Variants in OSBPL10 observed in about 807,000 individuals in gnomAD.
The protein encoded by OSBPL10 is oxysterol binding protein like 10.
A neutral mutation model predicts 81.7 loss-of-function variants in OSBPL10; 49 were observed. The ratio of observed to expected loss-of-function variants is 0.60; its 90% CI spans 0.48 to 0.76. The LOEUF is 0.76. Ranked by LOEUF, OSBPL10 falls within the 30% of genes least tolerant of loss-of-function variation. The pLI is 0.00. For synonymous variants in OSBPL10, 419 were observed against 383.6 expected, an observed-to-expected ratio of 1.09 and a Z score of -1.08; for missense variants, 923 against 987.8, an observed-to-expected ratio of 0.93 and a Z score of 0.88.
intron 4 of OSBPL10, among the ~76,000 whole-genome samples, chr3:31,820,366 G>A (rs149443160): frequency 7.2e-5 from 11 of 152,260 alleles, no homozygotes; most frequent in African/African-American, 2.6e-4. Flanking sequence ...GGAGGCTGAG[G>A]CGGGTGGCTC....
chr3:31,747,211 G>C (rs943479962), intron 5 of OSBPL10, among the ~76,000 whole-genome samples: 1 of 151,918 alleles, frequency 6.6e-6, no homozygotes, highest in Non-Finnish European at 1.5e-5. Flanking sequence ...GGCGCTATTT[G>C]GGAGGCTGAG....
chr3:31,738,468 T>C (rs932973667), intron 5 of OSBPL10, among the ~76,000 whole-genome samples: 2 of 151,258 alleles, frequency 1.3e-5, no homozygotes, highest in East Asian at 1.9e-4. Flanking sequence ...AGAATGTAAA[T>C]AGAAACCGAC....
intron 7 of OSBPL10, among the ~76,000 whole-genome samples, chr3:31,695,961 A>C (rs531227964): frequency 6.6e-6 from 1 of 152,220 alleles, no homozygotes; most frequent in Non-Finnish European, 1.5e-5. Context: ...GTATGCATAC[A>C]TACAGAGCGG....
intron 1 of OSBPL10, among the ~76,000 whole-genome samples, chr3:32,076,398 G>C (rs535924683): frequency 6.6e-6 from 1 of 151,708 alleles, no homozygotes; most frequent in South Asian, 2.1e-4. Flanking sequence ...ACCACCCTTT[G>C]CTGACTCTCT....
At chr3:31,667,658 G>C (rs1575462553) in intron 10 of OSBPL10, among the ~76,000 whole-genome samples, 1 of 152,192 alleles carries the variant, frequency 6.6e-6, no homozygotes, top group East Asian at 1.9e-4. Flanking sequence ...TTTCTGTAAA[G>C]GGCCAGAAAG....
At chr3:31,741,168 G>T (rs900740324) in intron 5 of OSBPL10, among the ~76,000 whole-genome samples, 1 of 152,166 alleles carries the variant, frequency 6.6e-6, no homozygotes, top group Non-Finnish European at 1.5e-5. Flanking sequence ...TTCCAAAATA[G>T]AATAAGATTG....
At chr3:31,686,649 T>C (rs999346541) in intron 7 of OSBPL10, among the ~76,000 whole-genome samples, 1 of 152,192 alleles carries the variant, frequency 6.6e-6, no homozygotes, top group African/African-American at 2.4e-5. Context: ...TGCAAATCAA[T>C]GGAGGTTTCC....
chr3:31,970,520 C>T (rs1698528855), intron 1 of OSBPL10, among the ~76,000 whole-genome samples: 2 of 152,212 alleles, frequency 1.3e-5, no homozygotes, highest in Non-Finnish European at 2.9e-5. Context: ...ATCTCATCAC[C>T]ATCCTAGTTG....
chr3:31,935,514 A>ATTTTTTTTT (rs11359502), intron 1 of OSBPL10, among the ~76,000 whole-genome samples: 1 of 144,448 alleles, frequency 6.9e-6, no homozygotes, highest in Non-Finnish European at 1.5e-5. Flanking sequence ...TATGAAATAG[A>ATTTTTTTTT]TTTTTTTTTT....
At chr3:31,827,695 T>A (rs780928229) in intron 4 of OSBPL10, among the ~76,000 whole-genome samples, 55 of 150,996 alleles carry the variant, frequency 3.6e-4, no homozygotes, top group African/African-American at 5.7e-4. Flanking sequence ...TCTACATCTG[T>A]AATACACAGG....
At chr3:32,057,046 T>C (rs550443992) in intron 1 of OSBPL10, among the ~76,000 whole-genome samples, 2 of 152,298 alleles carry the variant, frequency 1.3e-5, no homozygotes, top group South Asian at 4.1e-4. Flanking sequence ...ACCAGTGCCA[T>C]GGCAACATCA....
intron 4 of OSBPL10, among the ~76,000 whole-genome samples, chr3:31,823,734 G>A (rs982714630): frequency 3.9e-5 from 6 of 152,086 alleles, no homozygotes; most frequent in African/African-American, 1.4e-4. Context: ...TTTGTACGAA[G>A]TCTTTGGAAT....
chr3:31,701,697 C>A (rs1209042362), intron 7 of OSBPL10: 1 of 152,024 alleles, frequency 6.6e-6, no homozygotes, highest in Non-Finnish European at 1.5e-5. Context: ...AATGAAGCTA[C>A]TGACTAGAGG....
intron 1 of OSBPL10, among the ~76,000 whole-genome samples, chr3:32,061,743 A>G (rs1699754722): frequency 1.1e-5 from 1 of 91,676 alleles, no homozygotes; most frequent in African/African-American, 2.8e-5. Flanking sequence ...GGCTGAAGCC[A>G]TCCTCCCACC....
chr3:31,785,993 C>T (rs1176471377), intron 4 of OSBPL10, among the ~76,000 whole-genome samples: 1 of 152,190 alleles, frequency 6.6e-6, no homozygotes. Context: ...AGTTGGAGAG[C>T]CCAAACTAGA....
chr3:31,889,184 T>C (rs929455493), intron 1 of OSBPL10, among the ~76,000 whole-genome samples: 5 of 152,084 alleles, frequency 3.3e-5, no homozygotes, highest in African/African-American at 4.8e-5. Context: ...AAAAGGGAAC[T>C]CTTATACACT....
At chr3:31,968,735 C>T (rs1334476328) in intron 1 of OSBPL10, among the ~76,000 whole-genome samples, 5 of 152,184 alleles carry the variant, frequency 3.3e-5, no homozygotes, top group Non-Finnish European at 7.3e-5. Context: ...GTAAACTGAT[C>T]TTTGACATAA....
intron 3 of OSBPL10, among the ~76,000 whole-genome samples, chr3:31,852,435 G>GA (rs1700793290): frequency 6.6e-6 from 1 of 152,132 alleles, no homozygotes; most frequent in Non-Finnish European, 1.5e-5. Context: ...ACCAAGGTGG[G>GA]AAAACCCTGG....
At chr3:31,949,199 ATAT>A (rs888719538) in intron 1 of OSBPL10, among the ~76,000 whole-genome samples, 18 of 152,340 alleles carry the variant, frequency 1.2e-4, no homozygotes, top group African/African-American at 3.6e-4. Flanking sequence ...ACGCACACAC[ATAT>A]TATTTCAGGA....
Sources: gnomAD v4.1 joint callset for allele counts (sites outside exome capture counted in the v4.1 genomes callset) on GRCh38, gnomAD v4.1.1 for gene constraint, MANE v1.5 for transcripts, NCBI Gene and HGNC (gene_info 2026-07-23, HGNC 2026-07-21) for gene names.